PRKAG2: variants seen among roughly 807,000 people sequenced by gnomAD.
PRKAG2 encodes 5'-AMP-activated protein kinase subunit gamma-2.
In PRKAG2, 26 loss-of-function variants were observed where a neutral mutation model predicts 69.6. The ratio of observed to expected loss-of-function variants is 0.37; its 90% confidence interval spans 0.27 to 0.52. PRKAG2 has a LOEUF of 0.52. PRKAG2 is among the 20% of genes least tolerant of loss of function. The pLI is 0.90. For missense variants in PRKAG2, 557 were observed against 740.0 expected (o/e 0.75, Z 2.87); for synonymous variants, 293 against 285.0 (o/e 1.03, Z -0.28).
chr7:151,715,322 C>CAAAAAAAAAAAAAAAAAAA (rs34971340), intron 3 of PRKAG2, among the ~76,000 whole-genome samples: 2 of 62,458 alleles, frequency 3.2e-5, no homozygotes, highest in African/African-American at 1.4e-4. Flanking sequence ...GGCCTAAAAG[C>CAAAAAAAAAAAAAAAAAAA]AAAAAAAAAA....
chr7:151,610,551 C>A (rs1189926966), intron 5 of PRKAG2, among the ~76,000 whole-genome samples: 1 of 151,422 alleles, frequency 6.6e-6, no homozygotes, highest in Non-Finnish European at 1.5e-5. Flanking sequence ...GTGGTGCGCA[C>A]CTGTAGTCTC....
chr7:151,705,333 C>G (rs1838398021), intron 3 of PRKAG2, among the ~76,000 whole-genome samples: 1 of 148,834 alleles, frequency 6.7e-6, no homozygotes, highest in Admixed American at 6.7e-5. Context: ...GGTGTTTTTT[C>G]TCTTTTCTCA....
In PRKAG2 at chr7:151,876,739, G is replaced by T; in HGVS notation, c.-119C>A. The T allele has an allele frequency of 2.1e-6, 2 of 973,742 alleles. No individual in the cohort carries two copies. The highest frequency in any genetic ancestry group is 3.2e-6 in the Non-Finnish European group (2 of 632,768). The allele number at this position is 973,742 out of a possible 1,614,324, so 60.3% of individuals were successfully genotyped here. Reference sequence around the variant, plus strand: ...CTCTGTTACACCCTGAAGCCACCTCGTGGGGACTTCCGCGGAGAGGGAGGG... The same window carrying T: ...CTCTGTTACACCCTGAAGCCACCTCTTGGGGACTTCCGCGGAGAGGGAGGG... On this transcript the variant is annotated 5_prime_UTR_variant, in exon 1 of 16. Coordinates refer to ENST00000287878, the MANE Select transcript of PRKAG2 (RefSeq NM_016203.4).
At chr7:151,576,509 T>A in intron 6 of PRKAG2, 57 bp from the exon 7 acceptor site, 3 of 957,854 alleles carry the variant, frequency 3.1e-6, no homozygotes, top group South Asian at 3.4e-5. Context: ...GAAAAATACC[T>A]TTTTTTTTTG....
At chr7:151,855,732 T>G (rs2079757908) in intron 1 of PRKAG2, among the ~76,000 whole-genome samples, 3 of 129,804 alleles carry the variant, frequency 2.3e-5, no homozygotes, top group African/African-American at 2.8e-5. Flanking sequence ...GAAAAGTGGG[T>G]GGGTGGGGGC....
intron 3 of PRKAG2, among the ~76,000 whole-genome samples, chr7:151,757,699 G>A (rs1054094427): frequency 6.6e-6 from 1 of 152,146 alleles, no homozygotes; most frequent in Non-Finnish European, 1.5e-5. Context: ...CGCCTCAAAG[G>A]CGTTCCAGAC....
chr7:151,754,924 A>G (rs2074975093), intron 3 of PRKAG2, among the ~76,000 whole-genome samples: 1 of 152,086 alleles, frequency 6.6e-6, no homozygotes, highest in South Asian at 2.1e-4. Flanking sequence ...ACCTGTGTCT[A>G]TCTGCAGGAA....
chr7:151,670,274 T>G (rs1831803886), intron 4 of PRKAG2, among the ~76,000 whole-genome samples: 1 of 152,190 alleles, frequency 6.6e-6, no homozygotes, highest in South Asian at 2.1e-4. Context: ...TGGCAAAACC[T>G]TTGGAATCAC....
intron 3 of PRKAG2, among the ~76,000 whole-genome samples, chr7:151,734,637 C>T (rs1799470317): frequency 6.6e-6 from 1 of 152,152 alleles, no homozygotes; most frequent in Non-Finnish European, 1.5e-5. Context: ...GTAGCCTCGA[C>T]CTCCTGGGCT....
At chr7:151,736,069 C>G (rs187602140) in intron 3 of PRKAG2, 1 of 1,531,192 alleles carries the variant, frequency 6.5e-7, no homozygotes, top group Non-Finnish European at 8.7e-7. Context: ...CCCAGGTGGC[C>G]GGGAGCCAGA....
At chr7:151,833,968 G>A (rs941485010) in intron 1 of PRKAG2, among the ~76,000 whole-genome samples, 6 of 152,158 alleles carry the variant, frequency 3.9e-5, no homozygotes, top group African/African-American at 1.2e-4. Context: ...GAGAAGGCCC[G>A]GCCCATGGCG....
intron 1 of PRKAG2, among the ~76,000 whole-genome samples, chr7:151,866,838 G>A (rs2080090227): frequency 6.6e-6 from 1 of 152,044 alleles, no homozygotes; most frequent in African/African-American, 2.4e-5. Flanking sequence ...AGGTGACAGA[G>A]CTGTCCTCCC....
chr7:151,788,395 T>G lies in PRKAG2; in HGVS notation c.115-1854A>C, dbSNP rs2077116639. Among the ~76,000 whole-genome samples, 1 of 152,250 alleles carries G rather than the reference T, an allele frequency of 6.6e-6. No homozygotes were observed. The highest frequency in any genetic ancestry group is 1.5e-5 in the Non-Finnish European group (1 of 68,050). ...TTTTCATCTGCTTATCGGCCACTTG[T>G]CTATCATCTTTGGAGAAATGTCTAT... On this transcript the variant is annotated intron_variant, in intron 1 of 15. Coordinates refer to ENST00000287878, the MANE Select transcript of PRKAG2 (RefSeq NM_016203.4). The surrounding 1 kb of genome is among the most constrained non-coding windows in gnomAD (Gnocchi z 4.6).
chr7:151,691,405 C>T (rs1418390277), intron 3 of PRKAG2, among the ~76,000 whole-genome samples: 2 of 150,034 alleles, frequency 1.3e-5, no homozygotes, highest in Non-Finnish European at 3.0e-5. Context: ...TTGCAAAACA[C>T]ATATATGATA....
Position 151,781,041 on chromosome 7 carries a change from C to T in PRKAG2, c.466+111G>A. The T allele has an allele frequency of 6.8e-7, 1 of 1,462,960 alleles. No homozygotes were observed. Among genetic ancestry groups the T allele is most frequent in the Non-Finnish European group, 9.5e-7 (1 of 1,053,128 alleles). 90.6% of individuals were successfully genotyped at this position (1,462,960 alleles called of 1,614,324 possible). A position where few individuals can be genotyped will look rare whatever the true frequency, so the allele number is the denominator to read the frequency against. ...GAGAAACAGATACAGGCACTCAGCACCAAGCTGCTCACAGCCACCTGGCAG... is the reference window on the plus strand; with the variant it reads ...GAGAAACAGATACAGGCACTCAGCATCAAGCTGCTCACAGCCACCTGGCAG... On this transcript the variant is annotated intron_variant, in intron 3 of 15. Coordinates refer to ENST00000287878, the MANE Select transcript of PRKAG2 (RefSeq NM_016203.4). The surrounding 1 kb of genome is among the most constrained non-coding windows in gnomAD (Gnocchi z 6.1).
chr7:151,745,960 C>T (rs907333423), intron 3 of PRKAG2, among the ~76,000 whole-genome samples: 19 of 152,168 alleles, frequency 1.2e-4, no homozygotes, highest in African/African-American at 4.1e-4. Context: ...CCAGCTGCTC[C>T]GTGGCGCAGA....
intron 3 of PRKAG2, among the ~76,000 whole-genome samples, chr7:151,744,092 G>A (rs942454268): frequency 1.3e-5 from 2 of 152,210 alleles, no homozygotes; most frequent in African/African-American, 4.8e-5. Context: ...TCCTGCACAT[G>A]AGGATAAGTG....
At chr7:151,609,905 T>A (rs989342691) in intron 5 of PRKAG2, among the ~76,000 whole-genome samples, 2 of 152,176 alleles carry the variant, frequency 1.3e-5, no homozygotes, top group Admixed American at 6.5e-5. Context: ...CACCACACGA[T>A]CTGGGTGACT....
intron 3 of PRKAG2, among the ~76,000 whole-genome samples, chr7:151,689,753 A>G (rs1179601935): frequency 6.6e-6 from 1 of 152,102 alleles, no homozygotes; most frequent in African/African-American, 2.4e-5. Flanking sequence ...TCAACACATC[A>G]TCTGACGCCA....
Sources: allele counts gnomAD v4.1 joint callset (sites outside exome capture counted in the v4.1 genomes callset), GRCh38; gene constraint gnomAD v4.1.1; non-coding constraint Gnocchi (gnomAD v3.1); transcripts MANE v1.5; gene names NCBI Gene and HGNC (gene_info 2026-07-23, HGNC 2026-07-21).